The following OLFM4 variants were observed in gnomAD, a reference collection of about 807,000 sequenced individuals.
OLFM4 encodes the protein olfactomedin 4, also known as olfactomedin-4.
In OLFM4, 22 loss-of-function variants were observed where a neutral mutation model predicts 25.5. The ratio of observed to expected loss-of-function variants is 0.86; its 90% CI spans 0.62 to 1.23. The LOEUF (loss-of-function observed/expected upper bound fraction) is 1.23. Ranked by LOEUF, OLFM4 falls within the 50% of genes most tolerant of loss-of-function variation. The pLI is 0.00. For synonymous variants in OLFM4, 255 were observed against 237.7 expected, an observed-to-expected ratio of 1.07 and a Z score of -0.67; for missense variants, 594 against 619.4, an observed-to-expected ratio of 0.96 and a Z score of 0.44.
chr13:53,041,892 C>A lies in OLFM4; in HGVS notation c.358-18C>A. ...TACTACTCAGGGAATTGGCTTGAAC[C>A]TTTTGATTTTCTTTCAGGTGAGGGA... On this transcript the variant is annotated intron_variant, in intron 2 of 4. Coordinates refer to ENST00000219022, the MANE Select transcript of OLFM4 (RefSeq NM_006418.5). 1.9e-6 allele frequency: 3 copies of A among 1,600,262 alleles called. No homozygotes were observed. The highest frequency in any genetic ancestry group is 1.7e-6 in the Non-Finnish European group (2 of 1,167,678).
chr13:53,030,286 ATC>A lies in OLFM4; in HGVS notation c.204+1248_204+1249del, dbSNP rs569329926. The stretch of plus-strand genomic sequence containing the variant: ...GGACTAGGTTAAGTACATAATATAT[ATC>A]TTTTTGTTGTTGTTGTTGTTTGTTT... On this transcript the variant is annotated intron_variant, in intron 1 of 4. Coordinates refer to ENST00000219022, the MANE Select transcript of OLFM4 (RefSeq NM_006418.5). Among the ~76,000 whole-genome samples the A allele has an allele frequency of 4.1e-3, 628 of 152,122 alleles. 7 individuals are homozygous for A. Among genetic ancestry groups the A allele is most frequent in the African/African-American group, 0.014 (593 of 41,502 alleles).
In OLFM4 at chr13:53,038,481, G is replaced by T. The variant is rs78171723; in HGVS notation, c.358-3429G>T. Among the ~76,000 whole-genome samples, 463 of 152,310 alleles carry T rather than the reference G, an allele frequency of 3.0e-3. 1 individual carries two copies. The highest frequency in any genetic ancestry group is 0.017 in the East Asian group (89 of 5,180). ...CTACAAACCTGTACAGCCTGTGACT[G>T]TACTGAATAATGTAGGCAATTATAA... On this transcript the variant is annotated intron_variant, in intron 2 of 4. Coordinates refer to ENST00000219022, the MANE Select transcript of OLFM4 (RefSeq NM_006418.5).
Position 53,050,803 on chromosome 13 carries a change from G to A in OLFM4, c.*32G>A, listed in dbSNP as rs1432160193. The A allele has an allele frequency of 2.0e-6, 3 of 1,526,334 alleles. No individual in the cohort carries two copies. The highest frequency in any genetic ancestry group is 2.6e-6 in the Non-Finnish European group (3 of 1,141,282). 94.5% of individuals were successfully genotyped at this position (1,526,334 alleles called of 1,614,324 possible). A position where few individuals can be genotyped will look rare whatever the true frequency, so the allele number is the denominator to read the frequency against. On this transcript the variant is annotated 3_prime_UTR_variant, in exon 5 of 5. Coordinates refer to ENST00000219022, the MANE Select transcript of OLFM4 (RefSeq NM_006418.5). ...TAGGAGTTAGGGTGAAAGAGAAAAT[G>A]TTTGTTGAAAAAATAGTCTTCTCCA...
At chr13:53,045,678 C>T (rs1954712154) in intron 4 of OLFM4, among the ~76,000 whole-genome samples, 1 of 152,118 alleles carries the variant, frequency 6.6e-6, no homozygotes, top group Non-Finnish European at 1.5e-5. Flanking sequence ...GCTCTCTGGG[C>T]CCCCTCCCTT....
chr13:53,051,170 A>C lies in OLFM4; in HGVS notation c.*399A>C, dbSNP rs987490856. The C allele has an allele frequency of 9.4e-5, 15 of 160,274 alleles. No homozygotes were observed. The highest frequency in any genetic ancestry group is 3.6e-4 in the African/African-American group (15 of 41,782). 9.9% of individuals were successfully genotyped at this position (160,274 alleles called of 1,614,324 possible). On this transcript the variant is annotated 3_prime_UTR_variant, in exon 5 of 5. Coordinates refer to ENST00000219022, the MANE Select transcript of OLFM4 (RefSeq NM_006418.5). ...TAGTCCTCATCCATGTAGCACCACT[A>C]ATTCTTCCATGCCTGGAAGAAACCT...
intron 1 of OLFM4, among the ~76,000 whole-genome samples, chr13:53,030,390 C>T (rs1187218575): frequency 6.6e-6 from 1 of 152,156 alleles, no homozygotes; most frequent in Non-Finnish European, 1.5e-5. Flanking sequence ...GCAACCTCCG[C>T]CTACCAGGTT....
At chr13:53,029,546 G>A (rs1253197162) in intron 1 of OLFM4, among the ~76,000 whole-genome samples, 3 of 152,220 alleles carry the variant, frequency 2.0e-5, no homozygotes, top group Non-Finnish European at 4.4e-5. Context: ...CCTCGAGGGA[G>A]TGAGAGCCGC....
At position 53,032,060 on chromosome 13, in the gene OLFM4, T is replaced by C. The variant is rs971976017; in HGVS notation, c.205-2288T>C. 4.6e-5 allele frequency among the ~76,000 whole-genome samples: 7 copies of C among 152,322 alleles called. No individual in the cohort carries two copies. The East Asian group carries it at 1.4e-3, about 29-fold the overall frequency. On this transcript the variant is annotated intron_variant, in intron 1 of 4. Coordinates refer to ENST00000219022, the MANE Select transcript of OLFM4 (RefSeq NM_006418.5). ...ATGTCAGCTGAGCATGCTGGGCTGA[T>C]GATAAGCAGGATGGAAGCTGGGGGA...
chr13:53,042,598 C>T (rs918855958), intron 3 of OLFM4, among the ~76,000 whole-genome samples: 1 of 152,144 alleles, frequency 6.6e-6, no homozygotes, highest in African/African-American at 2.4e-5. Flanking sequence ...TTGTATATTT[C>T]TGTAAAGCCT....
Position 53,042,264 on chromosome 13 carries a change from G to A in OLFM4, c.570+142G>A, listed in dbSNP as rs886985747. On this transcript the variant is annotated intron_variant, in intron 3 of 4. Coordinates refer to ENST00000219022, the MANE Select transcript of OLFM4 (RefSeq NM_006418.5). ...TCATGGCCACATGGCATATCACTAT[G>A]TTCTGTTTTGGATAAGGGCATGTGT... The A allele has an allele frequency of 4.1e-6, 3 of 726,224 alleles. No individual in the cohort carries two copies. The East Asian group carries it at 8.1e-5, about 20-fold the overall frequency. 45.0% of individuals were successfully genotyped at this position (726,224 alleles called of 1,614,324 possible).
chr13:53,036,076 T>G (rs1191721726), intron 2 of OLFM4, among the ~76,000 whole-genome samples: 1 of 152,178 alleles, frequency 6.6e-6, no homozygotes, highest in African/African-American at 2.4e-5. Context: ...TAGTTATCCT[T>G]TAAAACAAAA....
chr13:53,029,033 T>C lies in OLFM4; in HGVS notation c.197T>C (p.Val66Ala), dbSNP rs755802518. 1 of 1,614,076 alleles carries C rather than the reference T, an allele frequency of 6.2e-7. No individual in the cohort carries two copies. The highest frequency in any genetic ancestry group is 8.5e-7 in the Non-Finnish European group (1 of 1,180,036). The change falls in exon 1 of 5, where the codon GTG becomes GCG. Residue 66 changes from valine to alanine, a missense_variant. Val to Ala is a moderately conservative substitution (Grantham distance 64). Coordinates refer to ENST00000219022, the MANE Select transcript of OLFM4 (RefSeq NM_006418.5). The stretch of plus-strand genomic sequence containing the variant: ...CGCAGCTTAGGCAGCGGAGGTTCTG[T>C]GTCCCAGGTGAGGAGGCCCCAGAAT... ...SSRSLGSGGS[V>A]SQLFSNFTGS...
Position 53,050,661 on chromosome 13 carries a change from C to T in OLFM4, c.1423C>T (p.Gln475Ter). Residue 475 changes from glutamine to a stop codon, truncating the protein, a stop_gained, in exon 5 of 5, where the codon CAG becomes TAG. Transcript: ENST00000219022. LOFTEE classifies it high-confidence loss of function. ...ACTAGACATTGTAATGCATAAGATG[C>T]AGGAAAAAGTGCAGAGCATTAACTA... is the stretch of plus-strand genomic sequence containing the variant. Reference protein sequence around the residue: ...GKLDIVMHKMQEKVQSINYNP... With the variant: ...GKLDIVMHKM 6.2e-7 allele frequency: 1 copy of T among 1,613,552 alleles called. No homozygotes were observed. Among genetic ancestry groups the T allele is most frequent in the Non-Finnish European group, 8.5e-7 (1 of 1,179,830 alleles).
At chr13:53,032,636 C>T (rs747435885) in intron 1 of OLFM4, among the ~76,000 whole-genome samples, 16 of 151,786 alleles carry the variant, frequency 1.1e-4, no homozygotes, top group South Asian at 2.1e-4. Flanking sequence ...CTGTTTCCCA[C>T]GTAGGGATGT....
chr13:53,030,680 G>C (rs1954624651), intron 1 of OLFM4, among the ~76,000 whole-genome samples: 1 of 152,186 alleles, frequency 6.6e-6, no homozygotes, highest in African/African-American at 2.4e-5. Context: ...GGCTTATCAA[G>C]GTGAAGTCAT....
intron 4 of OLFM4, among the ~76,000 whole-genome samples, chr13:53,048,760 C>A (rs1049616578): frequency 6.6e-6 from 1 of 152,174 alleles, no homozygotes; most frequent in African/African-American, 2.4e-5. Flanking sequence ...AATTCAGGTT[C>A]TGCTCCTTTC....
intron 4 of OLFM4, among the ~76,000 whole-genome samples, chr13:53,045,522 C>T (rs1954711465): frequency 6.6e-6 from 1 of 152,120 alleles, no homozygotes; most frequent in African/African-American, 2.4e-5. Context: ...TCCCCAAGCA[C>T]CACAAACTTG....
At chr13:53,036,883 C>T (rs7317835) in intron 2 of OLFM4, among the ~76,000 whole-genome samples, 6,566 of 152,286 alleles carry the variant, frequency 0.043, 470 homozygotes, top group African/African-American at 0.15. Flanking sequence ...CCTCTCTTGG[C>T]TGGTTAAGCC....
intron 4 of OLFM4, among the ~76,000 whole-genome samples, chr13:53,046,393 A>T (rs1208804297): frequency 6.6e-6 from 1 of 152,206 alleles, no homozygotes; most frequent in Non-Finnish European, 1.5e-5. Context: ...CCATCTAATG[A>T]ATTGCATGAT....
Sources: gnomAD v4.1 joint callset for allele counts (sites outside exome capture counted in the v4.1 genomes callset) on GRCh38, gnomAD v4.1.1 for gene constraint, MANE v1.5 for transcripts, NCBI Gene and HGNC (gene_info 2026-07-23, HGNC 2026-07-21) for gene names.